LAMA1: variants seen among roughly 807,000 people sequenced by gnomAD.
LAMA1 encodes the protein laminin subunit alpha 1.
Under a neutral mutation model 348.7 loss-of-function variants are expected in LAMA1, and 219 were observed. The observed-to-expected ratio is 0.63, with a 90% CI of 0.56 to 0.70. The LOEUF (loss-of-function observed/expected upper bound fraction) is 0.70, where lower values mean the gene tolerates loss of function less well. LAMA1 is among the 30% of genes least tolerant of loss of function. The pLI, the probability that LAMA1 is intolerant of heterozygous loss-of-function variation, is 0.00. For missense variants in LAMA1, 3,744 were observed against 3,888.0 expected, an observed-to-expected ratio of 0.96 and a Z score of 0.99; for synonymous variants, 1,487 against 1,491.0, an observed-to-expected ratio of 1.00 and a Z score of 0.06.
chr18:7,058,263 T>C (rs1461467330), intron 3 of LAMA1, among the ~76,000 whole-genome samples: 1 of 152,180 alleles, frequency 6.6e-6, no homozygotes, highest in Non-Finnish European at 1.5e-5. Context: ...TACTTAACTT[T>C]TATCTTGATC....
At chr18:6,948,375 T>G in intron 60 of LAMA1, 28 bp downstream of exon 60, 2 of 1,614,020 alleles carry the variant, frequency 1.2e-6, no homozygotes, top group South Asian at 2.2e-5. Context: ...ATTCGGGGAC[T>G]GCCTTCGAGA....
chr18:7,024,899 G>A (rs1204321837), intron 17 of LAMA1, among the ~76,000 whole-genome samples: 1 of 152,154 alleles, frequency 6.6e-6, no homozygotes. Context: ...GGGCAAAAGT[G>A]AGCTCACTCA....
At chr18:6,993,346 G>A (rs1258887648) in intron 35 of LAMA1, among the ~76,000 whole-genome samples, 1 of 152,038 alleles carries the variant, frequency 6.6e-6, no homozygotes, top group Non-Finnish European at 1.5e-5. Flanking sequence ...CTCCTATTCT[G>A]GGCAAATGGA....
rs575058382 is a variant in LAMA1 at position 6,951,671 on chromosome 18, A to T, written c.8208-700T>A. 3.9e-5 allele frequency among the ~76,000 whole-genome samples: 6 copies of T among 152,144 alleles called. No homozygotes were observed. The South Asian group carries it at 1.0e-3, about 26-fold the overall frequency. ...GAACAGGTCAGGGGGTCAGGGGTGA[A>T]GCGGGTCCCATCAGGCAGCTGTTAC... On this transcript the variant is annotated intron_variant, in intron 57 of 62. Coordinates refer to ENST00000389658, the MANE Select transcript of LAMA1 (RefSeq NM_005559.4).
At chr18:7,011,553 A>C in intron 24 of LAMA1, 74 bp from the exon 25 acceptor site, 2 of 1,375,050 alleles carry the variant, frequency 1.5e-6, no homozygotes, top group South Asian at 2.5e-5. Context: ...TTTAGATTCC[A>C]TCATTGTTTC....
chr18:6,984,957 T>A (rs2057727555), intron 39 of LAMA1, among the ~76,000 whole-genome samples: 2 of 152,208 alleles, frequency 1.3e-5, no homozygotes. Context: ...GATGGCTTGA[T>A]ACTGTAGCAT....
chr18:7,074,857 G>C (rs200642717), intron 3 of LAMA1, among the ~76,000 whole-genome samples: 1 of 124,148 alleles, frequency 8.1e-6, no homozygotes, highest in African/African-American at 3.4e-5. Flanking sequence ...AAAATAAACA[G>C]TAGTTAAACC....
chr18:7,028,863 C>T (rs1180694674), intron 16 of LAMA1, among the ~76,000 whole-genome samples: 2 of 152,210 alleles, frequency 1.3e-5, no homozygotes, highest in Admixed American at 6.5e-5. Context: ...GGGAGCGGGG[C>T]TTGTTCTGCA....
intron 36 of LAMA1, 50 bp downstream of exon 36, chr18:6,992,511 A>C (rs758553216): frequency 6.3e-7 from 1 of 1,594,628 alleles, no homozygotes; most frequent in South Asian, 1.1e-5. Context: ...GATAGCGTGC[A>C]AGTTTCTCTC....
intron 3 of LAMA1, among the ~76,000 whole-genome samples, chr18:7,068,019 A>G (rs907395164): frequency 2.6e-5 from 4 of 151,934 alleles, no homozygotes; most frequent in African/African-American, 9.7e-5. Context: ...ATGCCTGGCT[A>G]ATTTTGTATT....
rs779758088 is a variant in LAMA1, at chr18:7,050,656, G to A, written c.588+38C>T. ...GAGTCTGAGACAGGGAGACTCTGATGAGGAAACAGATCTTGCTGCAGCGGG... is the reference window on the plus strand; with the variant it reads ...GAGTCTGAGACAGGGAGACTCTGATAAGGAAACAGATCTTGCTGCAGCGGG... On this transcript the variant is annotated intron_variant, in intron 4 of 62. Coordinates refer to ENST00000389658, the MANE Select transcript of LAMA1 (RefSeq NM_005559.4). 3.1e-5 allele frequency: 50 copies of A among 1,612,372 alleles called. No individual in the cohort carries two copies. In the East Asian group the frequency reaches 3.3e-4, roughly 11 times the overall value.
In LAMA1 at chr18:6,960,458, AATCCATCTATAC is replaced by A. The variant is rs1235841863; in HGVS notation, c.7627-978_7627-967del. 1.6e-4 allele frequency: 25 copies of A among 152,234 alleles called. 1 individual carries two copies. Among genetic ancestry groups the A allele is most frequent in the African/African-American group, 6.0e-4 (25 of 41,518 alleles). The allele number at this position is 152,234 out of a possible 1,614,324, so 9.4% of individuals were successfully genotyped here. On this transcript the variant is annotated intron_variant, in intron 53 of 62. Transcript: ENST00000389658. The stretch of plus-strand genomic sequence containing the variant: ...TTTGTACAAAATATCCAGAATAGTA[AATCCATCTATAC>A]AGCCGGAAAGCAAATTGGTGGTTGC...
intron 5 of LAMA1, 64 bp from the exon 6 acceptor site, chr18:7,046,431 G>T: frequency 1.1e-6 from 1 of 929,578 alleles, no homozygotes; most frequent in Non-Finnish European, 1.8e-6. Flanking sequence ...GAAAATGTTG[G>T]CACACCAACA....
intron 48 of LAMA1, among the ~76,000 whole-genome samples, chr18:6,967,106 T>C (rs2057636675): frequency 6.6e-6 from 1 of 152,188 alleles, no homozygotes; most frequent in South Asian, 2.1e-4. Flanking sequence ...CAGTGCCACA[T>C]TTCCAAGCAA....
At chr18:6,998,290 T>C (rs1381132361) in intron 32 of LAMA1, among the ~76,000 whole-genome samples, 3 of 151,988 alleles carry the variant, frequency 2.0e-5, no homozygotes, top group African/African-American at 7.2e-5. Flanking sequence ...GAAAAGAACT[T>C]TATTGACTGT....
At position 7,007,217 on chromosome 18, in the gene LAMA1, G is replaced by A. The variant is rs200839776; in HGVS notation, c.4182C>T (p.Arg1394=). 49 of 1,614,124 alleles carry A rather than the reference G, an allele frequency of 3.0e-5. No individual in the cohort carries two copies. The East Asian group carries it at 1.0e-3, about 34-fold the overall frequency. Residue 1394 remains arginine (R), a synonymous_variant, in exon 29 of 63, where the codon CGC becomes CGT. Transcript: ENST00000389658. Reference sequence around the variant, plus strand: ...AGGGAACACAAGGAGCAACCAGAGGGCGTGGTCCCCTGTCACTCCCTGCTG... The same window carrying A: ...AGGGAACACAAGGAGCAACCAGAGGACGTGGTCCCCTGTCACTCCCTGCTG... The part of the protein sequence containing the change: ...KLPAGSDRGP[R]PLVAPCVPCS...
At chr18:6,990,724 C>T (rs2057755077) in intron 36 of LAMA1, among the ~76,000 whole-genome samples, 1 of 152,154 alleles carries the variant, frequency 6.6e-6, no homozygotes, top group Admixed American at 6.5e-5. Context: ...TTCCCCGCCC[C>T]TGAAAGGCCC....
intron 33 of LAMA1, among the ~76,000 whole-genome samples, chr18:6,996,957 T>G (rs2057783844): frequency 6.6e-6 from 1 of 152,114 alleles, no homozygotes; most frequent in Non-Finnish European, 1.5e-5. Context: ...GGAGGAGAGA[T>G]TTTGTGCCCT....
chr18:7,086,493 A>G (rs2058217933), intron 1 of LAMA1, among the ~76,000 whole-genome samples: 1 of 152,100 alleles, frequency 6.6e-6, no homozygotes, highest in South Asian at 2.1e-4. Context: ...CCTGAACCCC[A>G]GGCGAATGTC....
Sources: allele counts gnomAD v4.1 joint callset (sites outside exome capture counted in the v4.1 genomes callset), GRCh38; gene constraint gnomAD v4.1.1; transcripts MANE v1.5; gene names NCBI Gene and HGNC (gene_info 2026-07-23, HGNC 2026-07-21).